Variants in UBAC2 observed in about 807,000 individuals in gnomAD.
UBAC2 encodes the protein UBA domain containing 2.
A neutral mutation model predicts 44.0 loss-of-function variants in UBAC2; 26 were observed. That is an observed-to-expected ratio of 0.59 (90% CI 0.43 to 0.82). UBAC2 has a LOEUF of 0.82. UBAC2 is among the 40% of genes least tolerant of loss of function. UBAC2 has a pLI of 0.00. For missense variants in UBAC2, 329 were observed against 419.4 expected (o/e 0.78, Z 1.88); for synonymous variants, 155 against 154.3 (o/e 1.00, Z -0.04).
At chr13:99,251,998 C>A (rs1465904223) in intron 4 of UBAC2, among the ~76,000 whole-genome samples, 1 of 152,204 alleles carries the variant, frequency 6.6e-6, no homozygotes, top group African/African-American at 2.4e-5. Flanking sequence ...TAAGCTCAAG[C>A]CCAGTCCTCC....
intron 4 of UBAC2, among the ~76,000 whole-genome samples, chr13:99,312,317 A>T (rs1204069606): frequency 5.9e-5 from 9 of 152,174 alleles, no homozygotes; most frequent in Admixed American, 5.2e-4. Flanking sequence ...TAATGAAATA[A>T]TTCTTTTTTT....
chr13:99,325,164 G>A (rs954533818), intron 6 of UBAC2, among the ~76,000 whole-genome samples: 4 of 143,644 alleles, frequency 2.8e-5, no homozygotes, highest in African/African-American at 5.2e-5. Flanking sequence ...GTGCTGTGGC[G>A]CGATCTTGGT....
intron 1 of UBAC2, among the ~76,000 whole-genome samples, chr13:99,214,945 T>C (rs1362318925): frequency 6.6e-6 from 1 of 151,924 alleles, no homozygotes; most frequent in East Asian, 1.9e-4. Context: ...ATCATTGAAA[T>C]AGAAGTCAGG....
intron 6 of UBAC2, among the ~76,000 whole-genome samples, chr13:99,337,270 G>A (rs949257683): frequency 6.6e-6 from 1 of 152,024 alleles, no homozygotes; most frequent in Non-Finnish European, 1.5e-5. Context: ...TAAAAGTTTT[G>A]CATCTTCCTA....
At chr13:99,255,234 A>G in intron 4 of UBAC2, 14 of 1,614,092 alleles carry the variant, frequency 8.7e-6, no homozygotes, top group Non-Finnish European at 1.2e-5. Context: ...CGTGAAGGAG[A>G]TTATGAATAA....
intron 1 of UBAC2, among the ~76,000 whole-genome samples, chr13:99,222,968 T>A (rs2043067006): frequency 6.6e-6 from 1 of 152,196 alleles, no homozygotes; most frequent in South Asian, 2.1e-4. Flanking sequence ...GCCATCAGAC[T>A]TGGAGTTTTC....
intron 1 of UBAC2, among the ~76,000 whole-genome samples, chr13:99,217,318 C>G (rs139993013): frequency 6.6e-6 from 1 of 152,146 alleles, no homozygotes; most frequent in Non-Finnish European, 1.5e-5. Context: ...GGATCTCTTA[C>G]GCTTTTCTCC....
intron 8 of UBAC2, among the ~76,000 whole-genome samples, chr13:99,384,355 A>T (rs948184756): frequency 6.6e-6 from 1 of 152,210 alleles, no homozygotes; most frequent in Non-Finnish European, 1.5e-5. Context: ...TCCTGTGGCA[A>T]TCTGGGGCCA....
chr13:99,279,662 C>G (rs1391095677), intron 4 of UBAC2, among the ~76,000 whole-genome samples: 1 of 152,200 alleles, frequency 6.6e-6, no homozygotes, highest in Non-Finnish European at 1.5e-5. Context: ...GACTTATAAA[C>G]AACCGAAATT....
At chr13:99,315,200 C>T (rs1021704757) in intron 5 of UBAC2, among the ~76,000 whole-genome samples, 12 of 152,076 alleles carry the variant, frequency 7.9e-5, no homozygotes, top group South Asian at 2.1e-4. Context: ...TACCGTTACA[C>T]GCCCCCTGAT....
intron 4 of UBAC2, among the ~76,000 whole-genome samples, chr13:99,268,982 G>T (rs1812448156): frequency 6.6e-6 from 1 of 152,152 alleles, no homozygotes; most frequent in African/African-American, 2.4e-5. Flanking sequence ...AGTTAAATAA[G>T]GGGGGAATGG....
rs139019415 is a variant in UBAC2 at position 99,338,874 on chromosome 13, A to T, written c.562-1446A>T. Among the ~76,000 whole-genome samples, 9 of 152,330 alleles carry T rather than the reference A, an allele frequency of 5.9e-5. No individual in the cohort carries two copies. The East Asian group carries it at 1.2e-3, about 20-fold the overall frequency. On this transcript the variant is annotated intron_variant, in intron 6 of 8. Transcript: ENST00000403766. ...ACACTTCTTAGCTTCAGTGATAACT[A>T]AACTCTATTTCCCTTCTCTTCACTG...
chr13:99,340,218 A>G, intron 6 of UBAC2, 102 bp from the exon 7 acceptor site: 1 of 1,339,530 alleles, frequency 7.5e-7, no homozygotes, highest in Non-Finnish European at 1.0e-6. Context: ...TGACTAAGAA[A>G]AATACCGTGT....
chr13:99,264,948 C>T (rs1334791022), intron 4 of UBAC2, among the ~76,000 whole-genome samples: 1 of 151,196 alleles, frequency 6.6e-6, no homozygotes, highest in African/African-American at 2.4e-5. Context: ...CACATTAGTT[C>T]CTGATCTTTG....
intron 4 of UBAC2, among the ~76,000 whole-genome samples, chr13:99,304,602 C>A (rs2044304231): frequency 6.6e-6 from 1 of 152,156 alleles, no homozygotes; most frequent in African/African-American, 2.4e-5. Context: ...CCCAGTAAGC[C>A]CTTGATGAAT....
chr13:99,299,051 A>C (rs73568043), intron 4 of UBAC2, among the ~76,000 whole-genome samples: 2 of 152,218 alleles, frequency 1.3e-5, no homozygotes, highest in East Asian at 1.9e-4. Context: ...AGAGTCTGCA[A>C]ATCCTCCATA....
At chr13:99,261,948 C>A (rs540508040) in intron 4 of UBAC2, among the ~76,000 whole-genome samples, 1 of 152,322 alleles carries the variant, frequency 6.6e-6, no homozygotes, top group African/African-American at 2.4e-5. Flanking sequence ...CAAATATGGT[C>A]TGAAAATATT....
intron 8 of UBAC2, among the ~76,000 whole-genome samples, chr13:99,370,987 G>A (rs910531559): frequency 6.6e-6 from 1 of 152,118 alleles, no homozygotes; most frequent in Non-Finnish European, 1.5e-5. Flanking sequence ...TCAAAATTCC[G>A]TTATGTTACT....
At chr13:99,207,077 C>A (rs913178971) in intron 1 of UBAC2, among the ~76,000 whole-genome samples, 59 of 152,240 alleles carry the variant, frequency 3.9e-4, no homozygotes, top group Non-Finnish European at 2.9e-5. Context: ...CAGGAATGAG[C>A]CTGGCACGTG....
Sources: gnomAD v4.1 joint callset for allele counts (sites outside exome capture counted in the v4.1 genomes callset) on GRCh38, gnomAD v4.1.1 for gene constraint, MANE v1.5 for transcripts, NCBI Gene and HGNC (gene_info 2026-07-23, HGNC 2026-07-21) for gene names.